ATG7: variants seen among roughly 807,000 people sequenced by gnomAD.
ATG7 encodes the protein autophagy related 7.
ATG7 carries 70 observed loss-of-function variants against 82.4 expected under a neutral mutation model. The ratio of observed to expected loss-of-function variants is 0.85; its 90% CI spans 0.70 to 1.04. The LOEUF is 1.04. Ranked by LOEUF, ATG7 falls within the 50% of genes least tolerant of loss-of-function variation. ATG7 has a pLI of 0.00. For missense variants in ATG7, 792 were observed against 864.3 expected, an observed-to-expected ratio of 0.92 and a Z score of 1.05; for synonymous variants, 287 against 313.0, an observed-to-expected ratio of 0.92 and a Z score of 0.88.
In ATG7 at chr3:11,358,527, T is replaced by C; in HGVS notation, c.1394T>C (p.Ile465Thr). Residue 465 changes from isoleucine to threonine, a missense_variant, in exon 15 of 21, where the codon ATC becomes ACC. Physicochemically the swap from Ile to Thr is moderately conservative, Grantham distance 89 (BLOSUM62 -1). Transcript: ENST00000693202. ...RRDVEQLEQL[I>T]ESHDVVFLLM... ...GATGTGGAGCAACTGGAGCAGCTCA[T>C]CGAAAGCCATGATGTCGTCTTCCTA... 1 of 1,614,116 alleles carries C rather than the reference T, an allele frequency of 6.2e-7. No individual in the cohort carries two copies. Among genetic ancestry groups the C allele is most frequent in the South Asian group, 1.1e-5 (1 of 91,082 alleles).
intron 9 of ATG7, among the ~76,000 whole-genome samples, chr3:11,318,790 A>G (rs537218465): frequency 6.6e-6 from 1 of 151,634 alleles, no homozygotes; most frequent in African/African-American, 2.4e-5. Context: ...AGCTTCCCCC[A>G]TCTCTCTGCC....
intron 18 of ATG7, among the ~76,000 whole-genome samples, chr3:11,377,897 T>A (rs752760478): frequency 6.6e-6 from 1 of 152,140 alleles, no homozygotes; most frequent in African/African-American, 2.4e-5. Context: ...AATAGCAAAC[T>A]TATGACCCTG....
At chr3:11,526,028 A>C (rs915566866) in intron 20 of ATG7, among the ~76,000 whole-genome samples, 1 of 152,150 alleles carries the variant, frequency 6.6e-6, no homozygotes, top group African/African-American at 2.4e-5. Flanking sequence ...GCTGATATAA[A>C]TGTGATAACT....
intron 19 of ATG7, among the ~76,000 whole-genome samples, chr3:11,417,836 G>C (rs1234537054): frequency 1.6e-5 from 2 of 127,748 alleles, no homozygotes; most frequent in African/African-American, 5.8e-5. Flanking sequence ...TTTTGAGACA[G>C]AGTCTTGCTC....
At chr3:11,507,796 G>A (rs2091821318) in intron 20 of ATG7, among the ~76,000 whole-genome samples, 1 of 152,090 alleles carries the variant, frequency 6.6e-6, no homozygotes, top group African/African-American at 2.4e-5. Flanking sequence ...ATGTGGGAAG[G>A]AAGAGAGGAA....
rs2125089548 is a variant in ATG7 at position 11,557,415 on chromosome 3, C to T, written c.*2572C>T. ...ATGTAGGGAAGTTGGAAGACACAAA[C>T]CCCACCTCCCCTGGGAGCTTGTAAC... On this transcript the variant is annotated 3_prime_UTR_variant, in exon 21 of 21. Transcript: ENST00000693202. The T allele has an allele frequency of 6.5e-6, 1 of 152,852 alleles. No homozygotes were observed. Among genetic ancestry groups the T allele is most frequent in the African/African-American group, 2.4e-5 (1 of 41,546 alleles). 9.5% of individuals were successfully genotyped at this position (152,852 alleles called of 1,614,324 possible). A position where few individuals can be genotyped will look rare whatever the true frequency, so the allele number is the denominator to read the frequency against.
chr3:11,350,925 A>C (rs1439661668), intron 14 of ATG7, among the ~76,000 whole-genome samples: 36 of 33,286 alleles, frequency 1.1e-3, no homozygotes, highest in East Asian at 1.2e-3. Flanking sequence ...CCCTAGCCCA[A>C]AAAAAAAAAA....
chr3:11,375,178 A>C (rs2077321690), intron 18 of ATG7, among the ~76,000 whole-genome samples: 1 of 152,184 alleles, frequency 6.6e-6, no homozygotes, highest in African/African-American at 2.4e-5. Context: ...GCTGCACTCC[A>C]GTTTGGAGAA....
chr3:11,550,049 C>A (rs1270058124), intron 20 of ATG7, among the ~76,000 whole-genome samples: 1 of 152,140 alleles, frequency 6.6e-6, no homozygotes, highest in Non-Finnish European at 1.5e-5. Context: ...ATCTTTTCCC[C>A]AAAAATCAAG....
chr3:11,527,390 C>T (rs965599723), intron 20 of ATG7, among the ~76,000 whole-genome samples: 6 of 152,112 alleles, frequency 3.9e-5, no homozygotes, highest in Admixed American at 2.0e-4. Flanking sequence ...TGAGCCACCA[C>T]GCCTGGCCTT....
At chr3:11,348,237 G>C in intron 14 of ATG7, 1 of 638,072 alleles carries the variant, frequency 1.6e-6, no homozygotes, top group Non-Finnish European at 2.5e-6. Flanking sequence ...GCTCATACCT[G>C]CAATCCCAGT....
intron 19 of ATG7, among the ~76,000 whole-genome samples, chr3:11,423,637 G>A (rs2082123681): frequency 6.6e-6 from 1 of 151,606 alleles, no homozygotes; most frequent in South Asian, 2.1e-4. Flanking sequence ...TTTCCAGGGG[G>A]TTAGGCTGTC....
rs138771506 is a variant in ATG7 at position 11,362,869 on chromosome 3, C to A, written c.1740C>A (p.Ala580=). Residue 580 remains alanine, a synonymous_variant, in exon 17 of 21, where the codon GCC becomes GCA. Coordinates refer to ENST00000693202, the MANE Select transcript of ATG7 (RefSeq NM_001349232.2). ...QQCTVSRPGL[A]VIAGALAVEL... is the part of the protein sequence containing the mutation. ...GCACTGTGAGTCGTCCAGGACTGGCCGTGATTGCAGGAGCCCTGGCCGTGG... is the reference window on the plus strand; with the variant it reads ...GCACTGTGAGTCGTCCAGGACTGGCAGTGATTGCAGGAGCCCTGGCCGTGG... 33 of 1,613,886 alleles carry A rather than the reference C, an allele frequency of 2.0e-5. No homozygotes were observed. Among genetic ancestry groups the A allele is most frequent in the South Asian group, 7.7e-5 (7 of 91,068 alleles).
At chr3:11,336,857 G>T (rs1164706287) in intron 11 of ATG7, among the ~76,000 whole-genome samples, 2 of 151,808 alleles carry the variant, frequency 1.3e-5, no homozygotes, top group Non-Finnish European at 2.9e-5. Context: ...ATTTTTTGCA[G>T]AGACAGGGTT....
chr3:11,458,655 A>T (rs1327091095), intron 20 of ATG7, among the ~76,000 whole-genome samples: 1 of 152,214 alleles, frequency 6.6e-6, no homozygotes, highest in Non-Finnish European at 1.5e-5. Flanking sequence ...AGTTCCCTCT[A>T]AAAAATTGGA....
chr3:11,470,519 G>A (rs560148517), intron 20 of ATG7, among the ~76,000 whole-genome samples: 2 of 152,348 alleles, frequency 1.3e-5, no homozygotes, highest in South Asian at 2.1e-4. Context: ...ATTATGTGGT[G>A]TGTCACTGCT....
chr3:11,336,506 T>C (rs1952519698), intron 11 of ATG7, among the ~76,000 whole-genome samples: 1 of 152,184 alleles, frequency 6.6e-6, no homozygotes, highest in African/African-American at 2.4e-5. Flanking sequence ...ATATGTTCCC[T>C]CTTAGCTGTA....
chr3:11,430,009 G>A (rs1289672433), intron 20 of ATG7, among the ~76,000 whole-genome samples: 3 of 150,756 alleles, frequency 2.0e-5, no homozygotes, highest in Non-Finnish European at 2.9e-5. Context: ...AGGTCCCTTA[G>A]CTCCTCAGTT....
chr3:11,299,406 G>T lies in ATG7; in HGVS notation c.205G>T (p.Ala69Ser). The change falls in exon 5 of 21, where the codon GCT becomes TCT. Residue 69 changes from alanine to serine, a missense_variant. Physicochemically the swap from Ala to Ser is moderately conservative, Grantham distance 99. Transcript: ENST00000693202. ...AGCTCGCTTAACATTGGAGTTCAGT[G>T]CTTTTGACATGTGAGTATTTATTTG... ...LPARLTLEFS[A>S]FDMSAPTPAR... 6.2e-7 allele frequency: 1 copy of T among 1,610,758 alleles called. No individual in the cohort carries two copies. The highest frequency in any genetic ancestry group is 8.5e-7 in the Non-Finnish European group (1 of 1,176,974).
Sources: allele counts gnomAD v4.1 joint callset (sites outside exome capture counted in the v4.1 genomes callset), GRCh38; gene constraint gnomAD v4.1.1; transcripts MANE v1.5; gene names NCBI Gene and HGNC (gene_info 2026-07-23, HGNC 2026-07-21).